The following HLCS variants were observed in gnomAD, a reference collection of about 807,000 sequenced individuals.
The protein encoded by HLCS is biotin--protein ligase.
HLCS carries 53 observed loss-of-function variants against 75.0 expected under a neutral mutation model. The ratio of observed to expected loss-of-function variants is 0.71; its 90% CI spans 0.57 to 0.89. HLCS has a LOEUF of 0.89. HLCS is among the 40% of genes least tolerant of loss of function. The pLI is 0.00. For missense variants in HLCS, 966 were observed against 1,074.0 expected, an observed-to-expected ratio of 0.90 and a Z score of 1.41; for synonymous variants, 431 against 428.6, an observed-to-expected ratio of 1.01 and a Z score of -0.07.
chr21:36,962,066 C>A lies in HLCS; in HGVS notation c.300G>T (p.Glu100Asp). Residue 100 changes from glutamate to aspartate, a missense_variant, in exon 2 of 11, where the codon GAG (glutamate) becomes GAT (aspartate). Physicochemically the swap from Glu to Asp is conservative, Grantham distance 45. Coordinates refer to ENST00000674895, the MANE Select transcript of HLCS (RefSeq NM_001352514.2). ...FVTESIWVQS[E>D]NLQRSSSSET... The stretch of plus-strand genomic sequence containing the variant: ...CTGAAGAGGATGATCTCTGTAAATT[C>A]TCACTTTGTACCCAAATGCTCTCCG... 1 of 1,289,408 alleles carries A rather than the reference C, an allele frequency of 7.8e-7. No individual in the cohort carries two copies. Among genetic ancestry groups the A allele is most frequent in the Non-Finnish European group, 1.0e-6 (1 of 988,676 alleles). The allele number at this position is 1,289,408 out of a possible 1,614,324, so 79.9% of individuals were successfully genotyped here.
chr21:36,849,125 C>T (rs1482887228), intron 6 of HLCS, among the ~76,000 whole-genome samples: 2 of 152,090 alleles, frequency 1.3e-5, no homozygotes, highest in African/African-American at 2.4e-5. Context: ...GAATAAATTC[C>T]ATTTAAGCTA....
At chr21:36,859,602 A>G (rs1021665236) in intron 6 of HLCS, among the ~76,000 whole-genome samples, 1 of 152,190 alleles carries the variant, frequency 6.6e-6, no homozygotes, top group African/African-American at 2.4e-5. Context: ...TTTAGTTTCA[A>G]AAGTCTGTCT....
At chr21:36,846,909 G>A (rs1490975828) in intron 6 of HLCS, among the ~76,000 whole-genome samples, 1 of 152,108 alleles carries the variant, frequency 6.6e-6, no homozygotes, top group Non-Finnish European at 1.5e-5. Flanking sequence ...AGAGCCATCC[G>A]CTCATCCTTC....
intron 6 of HLCS, among the ~76,000 whole-genome samples, chr21:36,839,024 A>T (rs2062522696): frequency 7.3e-6 from 1 of 137,384 alleles, no homozygotes; most frequent in Non-Finnish European, 1.6e-5. Context: ...ATACACAGAT[A>T]TATTACTCTA....
chr21:36,864,175 G>T (rs556217115), intron 6 of HLCS, among the ~76,000 whole-genome samples: 2 of 152,086 alleles, frequency 1.3e-5, no homozygotes, highest in African/African-American at 2.4e-5. Context: ...TGAGGCGGGC[G>T]GATCACTTGA....
chr21:36,893,639 G>A (rs540560862), intron 6 of HLCS, among the ~76,000 whole-genome samples: 6 of 152,248 alleles, frequency 3.9e-5, no homozygotes, highest in Non-Finnish European at 7.4e-5. Flanking sequence ...TAAGGAGCAC[G>A]CAATCTAGAT....
chr21:36,770,683 A>C (rs1055573569), intron 6 of HLCS, among the ~76,000 whole-genome samples: 1 of 151,472 alleles, frequency 6.6e-6, no homozygotes, highest in African/African-American at 2.4e-5. Context: ...GGATCCTCCC[A>C]CCTCAACTTC....
Position 36,966,465 on chromosome 21 carries a change from G to A in HLCS, c.174C>T (p.Val58=), listed in dbSNP as rs2068590114. The change falls in exon 1 of 11, where the codon GTC becomes GTT. Residue 58 remains valine, a synonymous_variant. Coordinates refer to ENST00000674895, the MANE Select transcript of HLCS (RefSeq NM_001352514.2). Reference sequence around the variant, plus strand: ...CCACCTGGCTGTCGCTGACGCAGAAGACGCGGCCGCCACGGCTCAGGCACA... The same window carrying A: ...CCACCTGGCTGTCGCTGACGCAGAAAACGCGGCCGCCACGGCTCAGGCACA... ...ARVCLSRGGR[V]FCVSDSQSIE... 1 of 835,838 alleles carries A rather than the reference G, an allele frequency of 1.2e-6. No homozygotes were observed. The highest frequency in any genetic ancestry group is 1.4e-6 in the Non-Finnish European group (1 of 707,252). The allele number at this position is 835,838 out of a possible 1,614,324, so 51.8% of individuals were successfully genotyped here.
intron 6 of HLCS, among the ~76,000 whole-genome samples, chr21:36,896,166 A>G (rs1394469388): frequency 6.6e-6 from 1 of 152,194 alleles, no homozygotes; most frequent in Non-Finnish European, 1.5e-5. Flanking sequence ...CCTGGGCAAC[A>G]TGGTGAAACC....
At chr21:36,788,078 GC>G (rs943732266) in intron 6 of HLCS, among the ~76,000 whole-genome samples, 10 of 152,276 alleles carry the variant, frequency 6.6e-5, no homozygotes, top group African/African-American at 2.4e-4. Context: ...AAACTGTGGG[GC>G]CACCACTCCC....
intron 6 of HLCS, among the ~76,000 whole-genome samples, chr21:36,821,562 C>T (rs771602600): frequency 6.6e-6 from 1 of 152,228 alleles, no homozygotes; most frequent in Non-Finnish European, 1.5e-5. Flanking sequence ...TCCTGCTCTG[C>T]GCTTTGCTCC....
At chr21:36,913,887 T>C (rs1248318843) in intron 5 of HLCS, among the ~76,000 whole-genome samples, 1 of 152,228 alleles carries the variant, frequency 6.6e-6, no homozygotes, top group Non-Finnish European at 1.5e-5. Flanking sequence ...GAGCTACTGC[T>C]GACCTCACCC....
chr21:36,816,223 T>C (rs1168970202), intron 6 of HLCS, among the ~76,000 whole-genome samples: 1 of 151,884 alleles, frequency 6.6e-6, no homozygotes, highest in Non-Finnish European at 1.5e-5. Flanking sequence ...TGAGACCCCA[T>C]CTCTATAAAA....
At position 36,966,598 on chromosome 21, in the gene HLCS, C is replaced by A; in HGVS notation, c.41G>T (p.Trp14Leu). The change falls in exon 1 of 11, where the codon TGG becomes TTG. Residue 14 changes from tryptophan to leucine, a missense_variant. Physicochemically the swap from Trp to Leu is moderately conservative, Grantham distance 61. Transcript: ENST00000674895. ...TLCYLYLWAR[W>L]GRRPAELVRA... ...CACGAGCTCAGCCGGCCGGCGACCCCAGCGCGCCCACAGGTACAGGTAGCA... is the reference window on the plus strand; with the variant it reads ...CACGAGCTCAGCCGGCCGGCGACCCAAGCGCGCCCACAGGTACAGGTAGCA... 2 of 993,756 alleles carry A rather than the reference C, an allele frequency of 2.0e-6. No homozygotes were observed. Among genetic ancestry groups the A allele is most frequent in the Non-Finnish European group, 2.4e-6 (2 of 837,404 alleles). The allele number at this position is 993,756 out of a possible 1,614,324, so 61.6% of individuals were successfully genotyped here. A position where few individuals can be genotyped will look rare whatever the true frequency, so the allele number is the denominator to read the frequency against.
intron 6 of HLCS, among the ~76,000 whole-genome samples, chr21:36,828,788 T>G (rs1411961768): frequency 6.6e-6 from 1 of 152,236 alleles, no homozygotes; most frequent in Non-Finnish European, 1.5e-5. Context: ...TCAGGATCAC[T>G]ACTTTGATCT....
chr21:36,921,664 G>A (rs999947058), intron 5 of HLCS, among the ~76,000 whole-genome samples: 1 of 151,998 alleles, frequency 6.6e-6, no homozygotes, highest in African/African-American at 2.4e-5. Context: ...TTCTCCTTTC[G>A]CTCACACCTA....
At chr21:36,819,732 A>T (rs139673304) in intron 6 of HLCS, among the ~76,000 whole-genome samples, 1 of 152,314 alleles carries the variant, frequency 6.6e-6, no homozygotes, top group African/African-American at 2.4e-5. Flanking sequence ...CCACACAGCT[A>T]GCAGCCACCA....
At chr21:36,879,093 CTATTAT>C (rs2064100073) in intron 6 of HLCS, among the ~76,000 whole-genome samples, 1 of 150,128 alleles carries the variant, frequency 6.7e-6, no homozygotes, top group Non-Finnish European at 1.5e-5. Context: ...TTAGTGTTAA[CTATTAT>C]TATTAAGGCA....
intron 6 of HLCS, among the ~76,000 whole-genome samples, chr21:36,889,861 A>C (rs2064700338): frequency 6.6e-6 from 1 of 152,186 alleles, no homozygotes; most frequent in African/African-American, 2.4e-5. Context: ...CAAAACTGGC[A>C]ATACACACAG....
Sources: allele counts gnomAD v4.1 joint callset (sites outside exome capture counted in the v4.1 genomes callset), GRCh38; gene constraint gnomAD v4.1.1; transcripts MANE v1.5; gene names NCBI Gene and HGNC (gene_info 2026-07-23, HGNC 2026-07-21).